CLEC2A: variants seen among roughly 807,000 people sequenced by gnomAD.
CLEC2A encodes the protein C-type lectin domain family 2 member A.
Under a neutral mutation model 18.6 loss-of-function variants are expected in CLEC2A, and 19 were observed. The observed-to-expected ratio is 1.02, with a 90% CI of 0.71 to 1.50. The LOEUF is 1.50. Among genes scored for constraint, CLEC2A ranks in the 40% most tolerant of loss-of-function variants. CLEC2A has a pLI of 0.00. For synonymous variants in CLEC2A, 74 were observed against 64.0 expected (o/e 1.16, Z -0.75); for missense variants, 190 against 207.9 (o/e 0.91, Z 0.53).
the CLEC2A span, chr12:9,893,252 A>G: frequency 7.7e-7 from 1 of 1,305,786 alleles, no homozygotes. Context: ...TGGGAGGTTT[A>G]TTGTCGTTGC....
At chr12:9,894,195 T>C (rs191125126), downstream of CLEC2A, among the ~76,000 whole-genome samples, 1,738 of 150,568 alleles carry the variant, frequency 0.012, 28 homozygotes, top group African/African-American at 0.035. Flanking sequence ...TTCTTTCTTT[T>C]TTTTTCAGCA....
intron 4 of CLEC2A, among the ~76,000 whole-genome samples, chr12:9,915,398 C>A (rs1168685860): frequency 1.3e-5 from 2 of 152,058 alleles, no homozygotes; most frequent in African/African-American, 4.8e-5. Context: ...AAGACATATG[C>A]ACACATATGT....
At chr12:9,913,001 C>T (rs1406957670), downstream of CLEC2A, among the ~76,000 whole-genome samples, 2 of 152,184 alleles carry the variant, frequency 1.3e-5, no homozygotes, top group Admixed American at 6.5e-5. Flanking sequence ...TGCAACAAGG[C>T]AGCTTTGATA....
chr12:9,887,085 G>A, the CLEC2A span, among the ~76,000 whole-genome samples: 1 of 151,956 alleles, frequency 6.6e-6, no homozygotes, highest in African/African-American at 2.4e-5. Context: ...ATCCAGAAAG[G>A]TCAATAGCTC....
In CLEC2A at chr12:9,905,920, G is replaced by A. The variant is rs1481733575; in HGVS notation, c.411-6944C>T. Among the ~76,000 whole-genome samples, 4 of 152,054 alleles carry A rather than the reference G, an allele frequency of 2.6e-5. No individual in the cohort carries two copies. In the South Asian group the frequency reaches 6.2e-4, roughly 24 times the overall value. ...TTACTAATAGGTATTTCAGGCAACC[G>A]ATTGGAGACATTTCTGTGTGATCAA... On this transcript the variant is annotated intron_variant, in intron 4 of 4. Coordinates refer to the CLEC2A transcript ENST00000339766.
rs140841365 is a variant in CLEC2A at position 9,927,686 on chromosome 12, T to A, written c.56-1343A>T. 2.0e-5 allele frequency among the ~76,000 whole-genome samples: 3 copies of A among 152,264 alleles called. No individual in the cohort carries two copies. In the East Asian group the frequency reaches 5.8e-4, roughly 29 times the overall value. On this transcript the variant is annotated intron_variant, in intron 1 of 4. Transcript: ENST00000455827. ...GTTTTCATGATCACCAGACTACAGA[T>A]AATGTGCAATAAAGTAATTTCAAGA...
chr12:9,880,530 G>C, the CLEC2A span, among the ~76,000 whole-genome samples: 1 of 152,002 alleles, frequency 6.6e-6, no homozygotes, highest in East Asian at 1.9e-4. Context: ...ATGTGTGTGT[G>C]TGTGTGTGTG....
chr12:9,932,186 C>T (rs2137062850), intron 1 of CLEC2A, 89 bp downstream of exon 1: 2 of 941,900 alleles, frequency 2.1e-6, no homozygotes, highest in South Asian at 2.9e-5. Context: ...TAGACTTTCA[C>T]AGTAAGTAAA....
At chr12:9,899,971 A>T (rs1160936764) in intron 4 of CLEC2A, among the ~76,000 whole-genome samples, 1 of 152,152 alleles carries the variant, frequency 6.6e-6, no homozygotes, top group African/African-American at 2.4e-5. Flanking sequence ...TGGACTCCTT[A>T]TCATAAGTTA....
chr12:9,899,044 G>A (rs796980027), intron 4 of CLEC2A: 3 of 682,808 alleles, frequency 4.4e-6, no homozygotes, highest in South Asian at 3.0e-5. Context: ...AACAAGGGGA[G>A]GAGTAAGAAT....
chr12:9,908,773 CCT>C (rs1246320743), downstream of CLEC2A, among the ~76,000 whole-genome samples: 8 of 152,070 alleles, frequency 5.3e-5, no homozygotes, highest in Non-Finnish European at 7.4e-5. Context: ...GCTTGGCCCC[CCT>C]GTGTTCTTTA....
At chr12:9,887,013 GA>G in the CLEC2A span, among the ~76,000 whole-genome samples, 6 of 149,550 alleles carry the variant, frequency 4.0e-5, no homozygotes, top group Non-Finnish European at 7.4e-5. Context: ...CAAAATGTCA[GA>G]AAAAAAACAT....
Position 9,932,343 on chromosome 12 carries a change from C to T in CLEC2A, c.-14G>A, listed in dbSNP as rs1863389773. On this transcript the variant is annotated 5_prime_UTR_variant, in exon 1 of 5. Transcript: ENST00000455827. ...TGGATTAATCATGGCAAGGCGCTAA[C>T]CGATGGAGATCAGTAGGAGAGGACT... The T allele has an allele frequency of 6.4e-7, 1 of 1,551,818 alleles. No homozygotes were observed. The highest frequency in any genetic ancestry group is 1.4e-5 in the African/African-American group (1 of 73,164).
the CLEC2A span, among the ~76,000 whole-genome samples, chr12:9,882,697 C>T: frequency 6.6e-6 from 1 of 152,134 alleles, no homozygotes; most frequent in Admixed American, 6.5e-5. Flanking sequence ...AGGAGAATCG[C>T]TTGAACCCGG....
At chr12:9,915,856 C>G (rs1341776281) in intron 4 of CLEC2A, among the ~76,000 whole-genome samples, 1 of 152,170 alleles carries the variant, frequency 6.6e-6, no homozygotes, top group Non-Finnish European at 1.5e-5. Context: ...TATCCCAGAA[C>G]TTACAGTAAA....
chr12:9,908,481 A>C (rs1363996035), downstream of CLEC2A, among the ~76,000 whole-genome samples: 5 of 152,186 alleles, frequency 3.3e-5, no homozygotes, highest in South Asian at 8.3e-4. Flanking sequence ...TCTGAGGAGC[A>C]GGTGATATCA....
chr12:9,931,129 A>G (rs1258567438), intron 1 of CLEC2A, among the ~76,000 whole-genome samples: 1 of 151,850 alleles, frequency 6.6e-6, no homozygotes, highest in Non-Finnish European at 1.5e-5. Context: ...AGTACTTCAT[A>G]TTTTGTCTTC....
At chr12:9,888,727 G>A in the CLEC2A span, 2 of 1,466,884 alleles carry the variant, frequency 1.4e-6, no homozygotes, top group Non-Finnish European at 1.8e-6. Context: ...TTTGCACTGA[G>A]TACAGATAAA....
At chr12:9,920,070 C>T (rs1490120260) in intron 3 of CLEC2A, among the ~76,000 whole-genome samples, 2 of 152,170 alleles carry the variant, frequency 1.3e-5, no homozygotes, top group Admixed American at 6.5e-5. Context: ...GATGGCTGCC[C>T]ACATCTCCCT....
Sources: gnomAD v4.1 joint callset for allele counts (sites outside exome capture counted in the v4.1 genomes callset) on GRCh38, gnomAD v4.1.1 for gene constraint, MANE v1.5 for transcripts, NCBI Gene and HGNC (gene_info 2026-07-23, HGNC 2026-07-21) for gene names.